ZNF273: variants seen among roughly 807,000 people sequenced by gnomAD.
ZNF273 encodes zinc finger protein 9.
Under a neutral mutation model 14.9 loss-of-function variants are expected in ZNF273, and 11 were observed. That is an observed-to-expected ratio of 0.74 (90% CI 0.46 to 1.22). The LOEUF (loss-of-function observed/expected upper bound fraction) is 1.22, where lower values mean the gene tolerates loss of function less well. ZNF273 is among the 50% of genes most tolerant of loss of function. ZNF273 has a pLI of 0.00. For missense variants in ZNF273, 577 were observed against 660.6 expected (o/e 0.87, Z 1.39); for synonymous variants, 199 against 223.9 (o/e 0.89, Z 0.99).
intron 1 of ZNF273, among the ~76,000 whole-genome samples, chr7:64,916,509 C>A (rs1480628104): frequency 7.1e-6 from 1 of 141,694 alleles, no homozygotes; most frequent in African/African-American, 2.6e-5. Context: ...CACACCATTG[C>A]ACTCTAGCCT....
At chr7:64,922,443 C>T (rs1794539734) in intron 3 of ZNF273, among the ~76,000 whole-genome samples, 2 of 151,954 alleles carry the variant, frequency 1.3e-5, no homozygotes, top group Admixed American at 1.3e-4. Context: ...ATTCTCCTTC[C>T]TCAGCCTCCT....
chr7:64,903,481 G>T, intron 1 of ZNF273, 62 bp downstream of exon 1: 1 of 1,500,406 alleles, frequency 6.7e-7, no homozygotes, highest in Admixed American at 1.7e-5. Context: ...CTGGTGGGAA[G>T]TGGATGTGGC....
At chr7:64,917,798 T>G in intron 2 of ZNF273, 91 bp downstream of exon 2, 1 of 1,354,874 alleles carries the variant, frequency 7.4e-7, no homozygotes, top group African/African-American at 1.5e-5. Flanking sequence ...TAAATAAATT[T>G]TAGATCCCTA....
chr7:64,901,177 A>G (rs1654190454), upstream of ZNF273, among the ~76,000 whole-genome samples: 1 of 151,778 alleles, frequency 6.6e-6, no homozygotes, highest in Admixed American at 6.6e-5. Context: ...TAATTTTTGT[A>G]TTTTTAGTAG....
At chr7:64,898,845 C>G (rs1225299923), upstream of ZNF273, among the ~76,000 whole-genome samples, 1 of 152,178 alleles carries the variant, frequency 6.6e-6, no homozygotes, top group Admixed American at 6.5e-5. Context: ...ACTGGGCTGT[C>G]ATTTGCATGG....
rs1288289699 is a variant in ZNF273 at position 64,930,439 on chromosome 7, CAT to C, written c.*1402_*1403del. 1 of 152,000 alleles carries C rather than the reference CAT, an allele frequency of 6.6e-6. No individual in the cohort carries two copies. The highest frequency in any genetic ancestry group is 1.5e-5 in the Non-Finnish European group (1 of 67,986). 9.4% of individuals were successfully genotyped at this position (152,000 alleles called of 1,614,324 possible). A position where few individuals can be genotyped will look rare whatever the true frequency, so the allele number is the denominator to read the frequency against. ...TTTTAATATTAAAATTCAATTATAT[CAT>C]TTTATGAATTGTGCTTTTCATAATG... On this transcript the variant is annotated 3_prime_UTR_variant, in exon 4 of 4. Coordinates refer to ENST00000476120, the MANE Select transcript of ZNF273 (RefSeq NM_021148.3).
At chr7:64,892,340 A>G (rs1431950464), downstream of ZNF273, among the ~76,000 whole-genome samples, 1 of 152,206 alleles carries the variant, frequency 6.6e-6, no homozygotes, top group African/African-American at 2.4e-5. Flanking sequence ...GTTATTATGT[A>G]ATTTGCTTAG....
In ZNF273 at chr7:64,897,028, T is replaced by C. The variant is rs551706020; in HGVS notation, n.489-320T>C. Among the ~76,000 whole-genome samples the C allele has an allele frequency of 2.0e-5, 3 of 152,190 alleles. No individual in the cohort carries two copies. In the South Asian group the frequency reaches 6.2e-4, roughly 32 times the overall value. Reference sequence around the variant, plus strand: ...TCAATGAACCTGGAGGACATTATGCTAAGTAAAATAAGTCAGCACAAAAAC... The same window carrying C: ...TCAATGAACCTGGAGGACATTATGCCAAGTAAAATAAGTCAGCACAAAAAC... On this transcript the variant is annotated intron_variant and non_coding_transcript_variant, in intron 3 of 7. Coordinates refer to the ZNF273 transcript ENST00000527278.
intron 1 of ZNF273, chr7:64,888,561 T>G (rs1791752227): frequency 1.0e-6 from 1 of 985,750 alleles, no homozygotes; most frequent in Admixed American, 6.1e-5. Context: ...ATGATGATTT[T>G]TATTTTCACA....
intron 1 of ZNF273, among the ~76,000 whole-genome samples, chr7:64,907,808 C>T (rs1392539627): frequency 6.6e-6 from 1 of 152,158 alleles, no homozygotes; most frequent in Non-Finnish European, 1.5e-5. Context: ...TGTCACACTG[C>T]CCGTTGTCCT....
the ZNF273 span, among the ~76,000 whole-genome samples, chr7:64,937,259 TAC>T: frequency 3.9e-5 from 6 of 152,228 alleles, no homozygotes. Flanking sequence ...TTCTCAGCTC[TAC>T]CCACATTGAC....
intron 1 of ZNF273, 48 bp from the exon 2 acceptor site, chr7:64,917,533 G>T: frequency 1.3e-6 from 2 of 1,567,448 alleles, no homozygotes; most frequent in Middle Eastern, 1.7e-4. Context: ...TAAATATTCT[G>T]TCCAGAGCAA....
intron 3 of ZNF273, 68 bp from the exon 4 acceptor site, chr7:64,927,586 G>A: frequency 7.4e-7 from 1 of 1,349,392 alleles, no homozygotes; most frequent in African/African-American, 1.5e-5. Flanking sequence ...ATTTTTATAG[G>A]TTAGATTTGT....
downstream of ZNF273, chr7:64,889,409 A>C (rs4718160): frequency 5.1e-6 from 5 of 983,842 alleles, no homozygotes; most frequent in Admixed American, 3.1e-4. The surrounding 1 kb of genome is among the most constrained non-coding windows in gnomAD (Gnocchi z 4.2). Context: ...GCGGGTGACC[A>C]GGAGCGCGGA....
downstream of ZNF273, chr7:64,893,770 T>A (rs1194571988): frequency 1.3e-5 from 2 of 148,276 alleles, no homozygotes; most frequent in Non-Finnish European, 3.0e-5. Flanking sequence ...GACAGCAGCG[T>A]ACATGGTGAG....
At chr7:64,883,721 G>A (rs1791412315), downstream of ZNF273, among the ~76,000 whole-genome samples, 1 of 152,216 alleles carries the variant, frequency 6.6e-6, no homozygotes, top group African/African-American at 2.4e-5. Flanking sequence ...GCCACATGAA[G>A]TTTGAATGGA....
chr7:64,883,265 C>A (rs1791368557), downstream of ZNF273, among the ~76,000 whole-genome samples: 1 of 149,726 alleles, frequency 6.7e-6, no homozygotes, highest in Non-Finnish European at 1.5e-5. Flanking sequence ...GAGCACACCA[C>A]ACCCAAGAAG....
intron 2 of ZNF273, chr7:64,879,343 G>T (rs1471392496): frequency 6.6e-6 from 1 of 152,258 alleles, no homozygotes; most frequent in Non-Finnish European, 1.5e-5. Flanking sequence ...AAGTGGGTTG[G>T]ACTCTAACAC....
chr7:64,911,127 A>G (rs1468775014), intron 1 of ZNF273, among the ~76,000 whole-genome samples: 2 of 151,980 alleles, frequency 1.3e-5, no homozygotes, highest in Admixed American at 1.3e-4. Context: ...AGTATGTTAA[A>G]TTTTATCAAA....
Sources: gnomAD v4.1 joint callset for allele counts (sites outside exome capture counted in the v4.1 genomes callset) on GRCh38, gnomAD v4.1.1 for gene constraint, Gnocchi (gnomAD v3.1) non-coding constraint, MANE v1.5 for transcripts, NCBI Gene and HGNC (gene_info 2026-07-23, HGNC 2026-07-21) for gene names.